TENM4: variants seen among roughly 807,000 people sequenced by gnomAD.
TENM4 encodes the protein teneurin transmembrane protein 4, also known as teneurin-4.
TENM4 carries 82 observed loss-of-function variants against 243.3 expected under a neutral mutation model. The ratio of observed to expected loss-of-function variants is 0.34; its 90% CI spans 0.28 to 0.40. The LOEUF (loss-of-function observed/expected upper bound fraction) is 0.40, where lower values mean the gene tolerates loss of function less well. Among genes scored for constraint, TENM4 ranks in the 10% least tolerant of loss-of-function variants. The pLI, the probability that TENM4 is intolerant of heterozygous loss-of-function variation, is 1.00. For missense variants in TENM4, 3,138 were observed against 3,673.3 expected (o/e 0.85, Z 3.77); for synonymous variants, 1,412 against 1,456.3 (o/e 0.97, Z 0.69).
At chr11:78,738,037 A>T (rs1295627274) in intron 20 of TENM4, among the ~76,000 whole-genome samples, 1 of 152,216 alleles carries the variant, frequency 6.6e-6, no homozygotes, top group East Asian at 1.9e-4. Flanking sequence ...TTCTTGGAGG[A>T]ATTCAAAGGT....
In TENM4 at chr11:78,656,177, CCTT is replaced by C. The variant is rs1857890503; in HGVS notation, c.*1878_*1880del. 3 of 152,234 alleles carry C rather than the reference CCTT, an allele frequency of 2.0e-5. No individual in the cohort carries two copies. The highest frequency in any genetic ancestry group is 6.5e-5 in the Admixed American group (1 of 15,282). The allele number at this position is 152,234 out of a possible 1,614,324, so 9.4% of individuals were successfully genotyped here. A position where few individuals can be genotyped will look rare whatever the true frequency, so the allele number is the denominator to read the frequency against. On this transcript the variant is annotated 3_prime_UTR_variant, in exon 34 of 34. Coordinates refer to ENST00000278550, the MANE Select transcript of TENM4 (RefSeq NM_001098816.3). The stretch of plus-strand genomic sequence containing the variant: ...CTGCTCCGATCCTCATGCAGTCAGA[CCTT>C]CTCAGTTTCATTAACTTGTGTAATA...
chr11:78,934,553 TG>T (rs1290568967), intron 6 of TENM4, among the ~76,000 whole-genome samples: 1 of 152,202 alleles, frequency 6.6e-6, no homozygotes, highest in Non-Finnish European at 1.5e-5. Flanking sequence ...TCTGAGTCTA[TG>T]AAATCCACAG....
At chr11:78,923,595 T>G (rs1283072033) in intron 6 of TENM4, among the ~76,000 whole-genome samples, 1 of 151,432 alleles carries the variant, frequency 6.6e-6, no homozygotes, top group South Asian at 2.1e-4. Context: ...TGGAGTGTAG[T>G]GGTGCAATTT....
chr11:79,315,231 A>T (rs1001666437), intron 1 of TENM4, among the ~76,000 whole-genome samples: 3 of 152,136 alleles, frequency 2.0e-5, no homozygotes, highest in African/African-American at 7.2e-5. Context: ...CTCAAGAGGG[A>T]AATGAGAAGA....
At chr11:79,430,681 T>C (rs1859148676) in intron 1 of TENM4, among the ~76,000 whole-genome samples, 1 of 152,204 alleles carries the variant, frequency 6.6e-6, no homozygotes, top group Admixed American at 6.5e-5. Flanking sequence ...TGCTTCCCTC[T>C]TTATAGATGA....
chr11:79,064,909 A>C lies in TENM4; in HGVS notation c.322T>G (p.Ser108Ala). Residue 108 changes from serine (S) to alanine (A), a missense_variant, in exon 6 of 34, where the codon TCC (serine) becomes GCC (alanine). Around this residue, in one of 2 missense-constraint regions of TENM4, gnomAD observed 671 missense variants for 614.1 expected, o/e 1.09. Transcript: ENST00000278550. Reference sequence around the variant, plus strand: ...TCGGCATCAGAGCCAGCCCCCATGGAGTAGCCGCAGTGGGGGAGGCCAATG... The same window carrying C: ...TCGGCATCAGAGCCAGCCCCCATGGCGTAGCCGCAGTGGGGGAGGCCAATG... ...TDIGLPHCGY[S>A]MGAGSDADME... is the part of the protein sequence containing the mutation. 6.5e-7 allele frequency: 1 copy of C among 1,544,906 alleles called. No individual in the cohort carries two copies. The highest frequency in any genetic ancestry group is 8.8e-7 in the Non-Finnish European group (1 of 1,142,256).
chr11:79,410,819 C>T (rs57966744), intron 1 of TENM4, among the ~76,000 whole-genome samples: 10,552 of 152,168 alleles, frequency 0.069, 399 homozygotes, highest in East Asian at 0.13. Flanking sequence ...CTTGCTTGCC[C>T]GTTTCTTTCA....
In TENM4 at chr11:78,758,752, G is replaced by C. The variant is rs115266733; in HGVS notation, c.2540-1731C>G. 9.9e-3 allele frequency among the ~76,000 whole-genome samples: 1,501 copies of C among 152,168 alleles called. 30 individuals carry two copies. The highest frequency in any genetic ancestry group is 0.034 in the African/African-American group (1,431 of 41,510). The stretch of plus-strand genomic sequence containing the variant: ...TTCTGTTTCTCTCCCATTTCTGCAT[G>C]GTGCCCAGAAGCTTATAGTCTCCTT... On this transcript the variant is annotated intron_variant, in intron 18 of 33. Coordinates refer to ENST00000278550, the MANE Select transcript of TENM4 (RefSeq NM_001098816.3).
chr11:79,110,639 C>A (rs546329293), intron 4 of TENM4, among the ~76,000 whole-genome samples: 8 of 152,134 alleles, frequency 5.3e-5, no homozygotes, highest in Admixed American at 3.3e-4. Flanking sequence ...AGCCCATAGA[C>A]CAGCCAGGTC....
chr11:78,812,419 C>T (rs1857519675), intron 13 of TENM4, 103 bp from the exon 14 acceptor site: 1 of 1,345,204 alleles, frequency 7.4e-7, no homozygotes, highest in Non-Finnish European at 1.0e-6. Context: ...CCAGTAGCCT[C>T]AACTGCTCTG....
chr11:79,434,121 AG>A (rs1303962750), intron 1 of TENM4, among the ~76,000 whole-genome samples: 3 of 152,226 alleles, frequency 2.0e-5, no homozygotes, highest in African/African-American at 7.2e-5. Context: ...ACACTTGAGA[AG>A]GGGTAACGGC....
intron 6 of TENM4, among the ~76,000 whole-genome samples, chr11:79,009,188 C>T (rs1030857201): frequency 1.3e-5 from 2 of 152,150 alleles, no homozygotes; most frequent in Admixed American, 6.5e-5. Context: ...AACACTAACC[C>T]TTACCCTAAC....
At chr11:78,761,358 G>A (rs1261362893) in intron 18 of TENM4, among the ~76,000 whole-genome samples, 1 of 151,932 alleles carries the variant, frequency 6.6e-6, no homozygotes, top group African/African-American at 2.4e-5. Context: ...TCCTGCCTCA[G>A]CCTCCCGTGT....
At chr11:79,067,091 G>T (rs1038826686) in intron 5 of TENM4, among the ~76,000 whole-genome samples, 1 of 152,164 alleles carries the variant, frequency 6.6e-6, no homozygotes, top group Non-Finnish European at 1.5e-5. Context: ...ATCTCCTCAT[G>T]ATCCAGTTAC....
intron 6 of TENM4, among the ~76,000 whole-genome samples, chr11:78,981,190 C>A (rs757915910): frequency 6.6e-6 from 1 of 152,058 alleles, no homozygotes; most frequent in African/African-American, 2.4e-5. Context: ...AGAAAGCACA[C>A]CACAAGCAGG....
At chr11:78,900,522 G>A (rs921240305) in intron 7 of TENM4, among the ~76,000 whole-genome samples, 5 of 152,204 alleles carry the variant, frequency 3.3e-5, no homozygotes, top group Admixed American at 3.3e-4. Flanking sequence ...TATCCACAGG[G>A]TGGATATGGA....
In TENM4 at chr11:78,669,015, C is replaced by T. The variant is rs531273162; in HGVS notation, c.7330G>A (p.Val2444Ile). ...AACATATAGAGATTAAAAGGCATGA[C>T]GTTGCTGCTACTAAGGTGCTTCCAC... ...ELWKHLSSSN[V>I]MPFNLYMFKN... is the part of the protein sequence containing the mutation. Residue 2444 changes from valine (V) to isoleucine (I), a missense_variant, in exon 32 of 34, where the codon GTC becomes ATC. Around this residue, in one of 2 missense-constraint regions of TENM4, gnomAD observed 2,467 missense variants for 3,059.1 expected, o/e 0.81. Transcript: ENST00000278550. This position sits in a 1 kb window ranked among gnomAD's most constrained non-coding sequence, Gnocchi z 6.4. 1.5e-5 allele frequency: 25 copies of T among 1,613,784 alleles called. No individual in the cohort carries two copies. The highest frequency in any genetic ancestry group is 1.6e-4 in the Middle Eastern group (1 of 6,084).
intron 3 of TENM4, among the ~76,000 whole-genome samples, chr11:79,209,060 T>G (rs897018499): frequency 3.9e-5 from 6 of 152,144 alleles, no homozygotes; most frequent in African/African-American, 1.4e-4. Context: ...AGCCCAATGT[T>G]TGGGAGGATT....
Position 78,756,830 on chromosome 11 carries a change from G to A in TENM4, c.2731C>T (p.Pro911Ser), listed in dbSNP as rs1438638183. Residue 911 changes from proline to serine, a missense_variant, in exon 19 of 34, where the codon CCC (proline) becomes TCC (serine). By Grantham distance (74) the Pro-to-Ser change is moderately conservative. This residue lies in a region of TENM4 where 2,467 missense variants were observed against 3,059.1 expected (regional missense o/e 0.81). Transcript: ENST00000278550. ...LVGRDSTHII[P>S]GENPFDGGHA... ...CCTCCATCAAAGGGGTTCTCCCCGG[G>A]GATTATGTGCGTGCTGTCCCTGCCC... 2 of 1,613,802 alleles carry A rather than the reference G, an allele frequency of 1.2e-6. No individual in the cohort carries two copies. The highest frequency in any genetic ancestry group is 1.7e-5 in the Admixed American group (1 of 60,008).
Sources: gnomAD v4.1 joint callset for allele counts (sites outside exome capture counted in the v4.1 genomes callset) on GRCh38, gnomAD v4.1.1 for gene constraint, gnomAD v4.1.1 regional missense constraint, Gnocchi (gnomAD v3.1) non-coding constraint, MANE v1.5 for transcripts, NCBI Gene and HGNC (gene_info 2026-07-23, HGNC 2026-07-21) for gene names.